The following ZCCHC24 variants were observed in gnomAD, a reference collection of about 807,000 sequenced individuals.
ZCCHC24 encodes zinc finger CCHC-type containing 24, also known as zinc finger CCHC domain-containing protein 24.
A neutral mutation model predicts 26.2 loss-of-function variants in ZCCHC24; 10 were observed. The ratio of observed to expected loss-of-function variants is 0.38; its 90% CI spans 0.24 to 0.65. ZCCHC24 has a LOEUF of 0.65. Among genes scored for constraint, ZCCHC24 ranks in the 30% least tolerant of loss-of-function variants. The pLI is 0.54. For missense variants in ZCCHC24, 243 were observed against 329.1 expected (o/e 0.74, Z 2.03); for synonymous variants, 144 against 147.1 (o/e 0.98, Z 0.15).
At chr10:79,423,581 C>CTATATATATATTTATATATATA in intron 2 of ZCCHC24, among the ~76,000 whole-genome samples, 3 of 53,766 alleles carry the variant, frequency 5.6e-5, no homozygotes, top group Admixed American at 2.0e-4. Flanking sequence ...AATATATATA[C>CTATATATATATTTATATATATA]TATATATATA....
At chr10:79,420,730 G>A (rs180784282) in intron 2 of ZCCHC24, among the ~76,000 whole-genome samples, 310 of 152,210 alleles carry the variant, frequency 2.0e-3, no homozygotes, top group Middle Eastern at 0.014. Context: ...CTGAGATCAT[G>A]CCACTGCACT....
chr10:79,386,753 G>C (rs537461565), intron 3 of ZCCHC24, among the ~76,000 whole-genome samples: 7 of 152,202 alleles, frequency 4.6e-5, no homozygotes, highest in Non-Finnish European at 8.8e-5. Context: ...GGGCACACAG[G>C]TGGGGCCCTA....
chr10:79,432,908 G>T, intron 1 of ZCCHC24, 150 bp from the exon 2 acceptor site: 1 of 850,858 alleles, frequency 1.2e-6, no homozygotes, highest in Non-Finnish European at 1.7e-6. Flanking sequence ...CCTAACTAGT[G>T]TGTCTCCATG....
chr10:79,411,094 A>G (rs1856784822), intron 2 of ZCCHC24, among the ~76,000 whole-genome samples: 1 of 152,176 alleles, frequency 6.6e-6, no homozygotes, highest in South Asian at 2.1e-4. Context: ...GTCACTGGAC[A>G]GCAGGCAACA....
intron 2 of ZCCHC24, among the ~76,000 whole-genome samples, chr10:79,428,934 A>AG (rs1857086872): frequency 2.7e-5 from 4 of 148,566 alleles, no homozygotes; most frequent in African/African-American, 1.0e-4. Flanking sequence ...TCAAAAAGAA[A>AG]TAAAAAAAAA....
intron 2 of ZCCHC24, among the ~76,000 whole-genome samples, chr10:79,422,763 G>T (rs761830185): frequency 1.3e-5 from 2 of 152,148 alleles, no homozygotes; most frequent in South Asian, 2.1e-4. Context: ...CTCTCGCGGC[G>T]CCCTGTTCTT....
At chr10:79,392,401 G>C (rs1451413902) in intron 3 of ZCCHC24, among the ~76,000 whole-genome samples, 1 of 152,138 alleles carries the variant, frequency 6.6e-6, no homozygotes, top group African/African-American at 2.4e-5. Context: ...CATTCACTGA[G>C]AAAACAGAAG....
rs1856352965 is a variant in ZCCHC24 at position 79,383,624 on chromosome 10, TTC to T, written c.*2719_*2720del. ...TCTCAAAAATCAAACAATTATATTT[TTC>T]TTTTCTTTTTTTTTTTTTAAAAAAA... On this transcript the variant is annotated 3_prime_UTR_variant, in exon 4 of 4. Coordinates refer to ENST00000372336, the MANE Select transcript of ZCCHC24 (RefSeq NM_153367.4). 1 of 137,936 alleles carries T rather than the reference TTC, an allele frequency of 7.2e-6. No individual in the cohort carries two copies. The highest frequency in any genetic ancestry group is 1.5e-5 in the Non-Finnish European group (1 of 64,802). The allele number at this position is 137,936 out of a possible 1,614,324, so 8.5% of individuals were successfully genotyped here.
chr10:79,400,302 C>A (rs1856611729), intron 2 of ZCCHC24, among the ~76,000 whole-genome samples: 1 of 152,202 alleles, frequency 6.6e-6, no homozygotes, highest in Admixed American at 6.5e-5. Context: ...TGAGTTAGGA[C>A]AATGTAAATC....
At chr10:79,407,566 T>G (rs1343578474) in intron 2 of ZCCHC24, among the ~76,000 whole-genome samples, 1 of 152,142 alleles carries the variant, frequency 6.6e-6, no homozygotes, top group Non-Finnish European at 1.5e-5. Flanking sequence ...GCCTGGGCGG[T>G]GCAGCTGCTG....
At chr10:79,411,189 CA>C (rs1856786374) in intron 2 of ZCCHC24, among the ~76,000 whole-genome samples, 1 of 152,172 alleles carries the variant, frequency 6.6e-6, no homozygotes, top group South Asian at 2.1e-4. Flanking sequence ...TGAGCCTGCT[CA>C]AGGTGCCCTT....
At chr10:79,396,004 C>T (rs1856541895) in intron 2 of ZCCHC24, among the ~76,000 whole-genome samples, 1 of 152,230 alleles carries the variant, frequency 6.6e-6, no homozygotes, top group Admixed American at 6.5e-5. Context: ...CCCCATCCTA[C>T]TCCCACTTCC....
intron 1 of ZCCHC24, among the ~76,000 whole-genome samples, chr10:79,434,087 C>T (rs531330806): frequency 7.4e-4 from 113 of 152,352 alleles, no homozygotes; most frequent in African/African-American, 2.5e-3. Flanking sequence ...TCAGGACACA[C>T]GGCTGTGTGA....
At chr10:79,423,423 C>T (rs1856973993) in intron 2 of ZCCHC24, among the ~76,000 whole-genome samples, 1 of 150,002 alleles carries the variant, frequency 6.7e-6, no homozygotes, top group African/African-American at 2.5e-5. Context: ...TAGTGGCGGG[C>T]GCCTGTAATC....
chr10:79,437,528 C>A (rs1857232171), intron 1 of ZCCHC24, among the ~76,000 whole-genome samples: 1 of 152,230 alleles, frequency 6.6e-6, no homozygotes, highest in Non-Finnish European at 1.5e-5. Context: ...ACGCAGCCAG[C>A]ACGTGTTGCC....
At chr10:79,408,356 G>T (rs1208879839) in intron 2 of ZCCHC24, among the ~76,000 whole-genome samples, 1 of 152,164 alleles carries the variant, frequency 6.6e-6, no homozygotes, top group Non-Finnish European at 1.5e-5. Context: ...CTATATACTG[G>T]CATGTATCTG....
intron 2 of ZCCHC24, among the ~76,000 whole-genome samples, chr10:79,414,245 C>G (rs989171689): frequency 6.6e-6 from 1 of 152,236 alleles, no homozygotes; most frequent in Admixed American, 6.5e-5. Flanking sequence ...ATTAGTGCCA[C>G]AATAGCTTAA....
chr10:79,426,457 C>G (rs11002977), intron 2 of ZCCHC24, among the ~76,000 whole-genome samples: 2,518 of 152,220 alleles, frequency 0.017, 85 homozygotes, highest in African/African-American at 0.058. Context: ...TTAAACAATA[C>G]GTCCAAGCAC....
chr10:79,386,294 G>A lies in ZCCHC24; in HGVS notation c.*51C>T. 2 of 1,551,812 alleles carry A rather than the reference G, an allele frequency of 1.3e-6. No individual in the cohort carries two copies. Among genetic ancestry groups the A allele is most frequent in the South Asian group, 1.1e-5 (1 of 87,650 alleles). ...CCCCTCGGAGTAGCACAGGGAAGCAGCGTCTCCTCGGGCTGGCGGGGGGTG... is the reference window on the plus strand; with the variant it reads ...CCCCTCGGAGTAGCACAGGGAAGCAACGTCTCCTCGGGCTGGCGGGGGGTG... On this transcript the variant is annotated 3_prime_UTR_variant, in exon 4 of 4. Coordinates refer to ENST00000372336, the MANE Select transcript of ZCCHC24 (RefSeq NM_153367.4).
Sources: allele counts gnomAD v4.1 joint callset (sites outside exome capture counted in the v4.1 genomes callset), GRCh38; gene constraint gnomAD v4.1.1; transcripts MANE v1.5; gene names NCBI Gene and HGNC (gene_info 2026-07-23, HGNC 2026-07-21).